Variants in MTOR observed in about 807,000 individuals in gnomAD.
The protein encoded by MTOR is serine/threonine-protein kinase mTOR.
A neutral mutation model predicts 319.8 loss-of-function variants in MTOR; 70 were observed. The ratio of observed to expected loss-of-function variants is 0.22; its 90% CI spans 0.18 to 0.27. The LOEUF is 0.27. Ranked by LOEUF, MTOR falls within the 10% of genes least tolerant of loss-of-function variation. The pLI is 1.00. For missense variants in MTOR, 1,890 were observed against 3,274.4 expected (o/e 0.58, Z 10.32); for synonymous variants, 1,183 against 1,211.4 (o/e 0.98, Z 0.49).
At chr1:11,141,304 G>C (rs1483672701) in intron 34 of MTOR, among the ~76,000 whole-genome samples, 2 of 151,786 alleles carry the variant, frequency 1.3e-5, no homozygotes, top group Non-Finnish European at 2.9e-5. Flanking sequence ...GAAGAGATGG[G>C]GTTTTGCCAC....
chr1:11,170,049 G>A lies in MTOR; in HGVS notation c.4254-2532C>T, dbSNP rs77012566. On this transcript the variant is annotated intron_variant, in intron 28 of 57. Transcript: ENST00000361445. Reference sequence around the variant, plus strand: ...TCCAGATTCGTTGGGGAAGCTATGCGGCTGGTGCTTCTTGAGCTGGTACTA... The same window carrying A: ...TCCAGATTCGTTGGGGAAGCTATGCAGCTGGTGCTTCTTGAGCTGGTACTA... 8.8e-3 allele frequency among the ~76,000 whole-genome samples: 1,333 copies of A among 152,294 alleles called. 22 individuals carry two copies. Among genetic ancestry groups the A allele is most frequent in the African/African-American group, 0.026 (1,093 of 41,564 alleles).
intron 11 of MTOR, among the ~76,000 whole-genome samples, chr1:11,239,204 A>T (rs1304188085): frequency 2.0e-5 from 3 of 152,156 alleles, no homozygotes; most frequent in African/African-American, 7.2e-5. Flanking sequence ...CCTTTAAATA[A>T]TAAATTATTT....
At chr1:11,254,208 C>T (rs1249250574) in intron 5 of MTOR, among the ~76,000 whole-genome samples, 3 of 151,738 alleles carry the variant, frequency 2.0e-5, no homozygotes, top group Non-Finnish European at 4.4e-5. Context: ...GGCGCAATCT[C>T]GGCTCTCCAC....
Position 11,107,343 on chromosome 1 carries a change from T to G in MTOR, c.*142A>C, listed in dbSNP as rs1641627026. 1 of 1,522,130 alleles carries G rather than the reference T, an allele frequency of 6.6e-7. No homozygotes were observed. Among genetic ancestry groups the G allele is most frequent in the East Asian group, 2.3e-5 (1 of 43,844 alleles). The allele number at this position is 1,522,130 out of a possible 1,614,324, so 94.3% of individuals were successfully genotyped here. A position where few individuals can be genotyped will look rare whatever the true frequency, so the allele number is the denominator to read the frequency against. On this transcript the variant is annotated 3_prime_UTR_variant, in exon 58 of 58. Coordinates refer to ENST00000361445, the MANE Select transcript of MTOR (RefSeq NM_004958.4). Reference sequence around the variant, plus strand: ...TAGAAAGTTGGTTCAAACCAACTTTTAATATACAGTAGTTCTTTTCATTTA... The same window carrying G: ...TAGAAAGTTGGTTCAAACCAACTTTGAATATACAGTAGTTCTTTTCATTTA...
Position 11,109,012 on chromosome 1 carries a change from A to G in MTOR, c.7528+278T>C, listed in dbSNP as rs1641722306. Reference sequence around the variant, plus strand: ...AAACAAACAAAAAAAAGACATGATTAAAAAACACTTCTCTGAATTTGGCTG... The same window carrying G: ...AAACAAACAAAAAAAAGACATGATTGAAAAACACTTCTCTGAATTTGGCTG... On this transcript the variant is annotated intron_variant, in intron 56 of 57. Transcript: ENST00000361445. The surrounding 1 kb of genome is among the most constrained non-coding windows in gnomAD (Gnocchi z 4.0). Among the ~76,000 whole-genome samples, 1 of 152,184 alleles carries G rather than the reference A, an allele frequency of 6.6e-6. No individual in the cohort carries two copies. The highest frequency in any genetic ancestry group is 2.4e-5 in the African/African-American group (1 of 41,458).
chr1:11,222,605 C>T (rs1485470064), intron 19 of MTOR, among the ~76,000 whole-genome samples: 26 of 152,080 alleles, frequency 1.7e-4, no homozygotes, highest in Admixed American at 1.6e-3. Context: ...TCCCAAAGTG[C>T]TGATATTACA....
rs2100764907 is a variant in MTOR, at chr1:11,204,589, G to A, written c.3916C>T (p.Leu1306=). 1.9e-6 allele frequency: 3 copies of A among 1,614,188 alleles called. No homozygotes were observed. Among genetic ancestry groups the A allele is most frequent in the South Asian group, 1.1e-5 (1 of 91,088 alleles). Residue 1306 remains leucine (L), a synonymous_variant, in exon 26 of 58, where the codon CTG becomes TTG. Transcript: ENST00000361445. ...SSPSLRSCWA[L]AQAYNPMARD... ...GCCATCGGGTTGTAGGCCTGTGCCA[G>A]GGCCCAGCAGGAGCGCAGGGAGGGC...
chr1:11,218,194 G>A (rs930867388), intron 19 of MTOR, among the ~76,000 whole-genome samples: 3 of 152,156 alleles, frequency 2.0e-5, no homozygotes, highest in African/African-American at 7.2e-5. Flanking sequence ...CACTTTGGGA[G>A]GCTGAGGCGG....
Position 11,253,938 on chromosome 1 carries a change from C to T in MTOR, c.741G>A (p.Glu247=), listed in dbSNP as rs779937354. The stretch of plus-strand genomic sequence containing the variant: ...TCATGCCCTTCTCTTTGGCCAAGGT[C>T]TCATCAAATCCCTTCTCTGCTTCTT... ...TFEEAEKGFD[E]TLAKEKGMNR... is the part of the protein sequence containing the mutation. The change falls in exon 6 of 58, where the codon GAG becomes GAA. Residue 247 remains glutamate, a synonymous_variant. Transcript: ENST00000361445. The T allele has an allele frequency of 2.5e-6, 4 of 1,614,082 alleles. No individual in the cohort carries two copies. The South Asian group carries it at 3.3e-5, about 13-fold the overall frequency.
chr1:11,131,582 C>T (rs540109230), intron 38 of MTOR: 1 of 152,442 alleles, frequency 6.6e-6, no homozygotes, highest in South Asian at 2.1e-4. Context: ...TGCCTGGTCC[C>T]AACACCTAGC....
intron 47 of MTOR, among the ~76,000 whole-genome samples, chr1:11,122,806 G>A (rs559846985): frequency 6.0e-4 from 91 of 151,926 alleles, no homozygotes; most frequent in African/African-American, 2.1e-3. Flanking sequence ...CGCGCCCGGC[G>A]GCCCTGACTA....
chr1:11,155,900 G>A (rs1454976478), intron 30 of MTOR, among the ~76,000 whole-genome samples: 1 of 152,224 alleles, frequency 6.6e-6, no homozygotes, highest in East Asian at 1.9e-4. Context: ...AGGAACAGTG[G>A]ACCCTCAGTA....
At chr1:11,134,266 G>A (rs1643299717) in intron 37 of MTOR, 85 bp downstream of exon 37, 34 of 1,212,110 alleles carry the variant, frequency 2.8e-5, no homozygotes, top group Non-Finnish European at 4.1e-5. Context: ...AGCCACCCAA[G>A]AAGCCTTGAA....
chr1:11,161,373 A>G (rs929657974), intron 29 of MTOR, among the ~76,000 whole-genome samples: 1 of 152,240 alleles, frequency 6.6e-6, no homozygotes, highest in African/African-American at 2.4e-5. Flanking sequence ...GCATAGCTGA[A>G]CAAAAGGCAG....
intron 15 of MTOR, 157 bp downstream of exon 15, chr1:11,233,241 T>C: frequency 1.2e-6 from 1 of 819,108 alleles, no homozygotes; most frequent in Non-Finnish European, 2.0e-6. Context: ...GAATATATTA[T>C]TTCTCTCTGA....
intron 30 of MTOR, among the ~76,000 whole-genome samples, chr1:11,155,909 T>C (rs982675262): frequency 2.0e-5 from 3 of 152,214 alleles, no homozygotes; most frequent in Admixed American, 2.0e-4. Context: ...GGACCCTCAG[T>C]ATCATGTTCC....
At chr1:11,114,501 C>T (rs1405862590) in intron 52 of MTOR, 48 bp from the exon 53 acceptor site, 1 of 1,609,666 alleles carries the variant, frequency 6.2e-7, no homozygotes, top group Non-Finnish European at 8.5e-7. Context: ...TAACTCTCCA[C>T]CCAAAGCAAG....
At chr1:11,126,553 G>T in intron 46 of MTOR, 69 bp downstream of exon 46, 8 of 1,516,746 alleles carry the variant, frequency 5.3e-6, no homozygotes, top group Non-Finnish European at 7.2e-6. Context: ...AGTAATTTCA[G>T]AAGAGGGAAG....
At chr1:11,221,604 G>T (rs747881517) in intron 19 of MTOR, among the ~76,000 whole-genome samples, 2 of 151,234 alleles carry the variant, frequency 1.3e-5, no homozygotes, top group Admixed American at 6.6e-5. Context: ...AAGCAAGAAA[G>T]TCTACCGGGC....
Sources: allele counts gnomAD v4.1 joint callset (sites outside exome capture counted in the v4.1 genomes callset), GRCh38; gene constraint gnomAD v4.1.1; non-coding constraint Gnocchi (gnomAD v3.1); transcripts MANE v1.5; gene names NCBI Gene and HGNC (gene_info 2026-07-23, HGNC 2026-07-21).